ADCY5: variants seen among roughly 807,000 people sequenced by gnomAD.
ADCY5 encodes adenylate cyclase type 5.
ADCY5 carries 30 observed loss-of-function variants against 119.7 expected under a neutral mutation model. The observed-to-expected ratio is 0.25, with a 90% CI of 0.19 to 0.34. The LOEUF (loss-of-function observed/expected upper bound fraction) is 0.34, where lower values mean the gene tolerates loss of function less well. ADCY5 is among the 10% of genes least tolerant of loss of function. ADCY5 has a pLI of 1.00. For missense variants in ADCY5, 1,324 were observed against 1,775.2 expected (o/e 0.75, Z 4.57); for synonymous variants, 753 against 762.2 (o/e 0.99, Z 0.20).
At chr3:123,315,788 T>C (rs1940887173) in intron 11 of ADCY5, among the ~76,000 whole-genome samples, 1 of 152,194 alleles carries the variant, frequency 6.6e-6, no homozygotes, top group Non-Finnish European at 1.5e-5. Context: ...TTCTGCTGTG[T>C]TGGCCAGGCT....
chr3:123,438,989 C>T (rs990009260), intron 1 of ADCY5, among the ~76,000 whole-genome samples: 15 of 151,714 alleles, frequency 9.9e-5, no homozygotes, highest in Non-Finnish European at 2.1e-4. Flanking sequence ...TGGACTCAAG[C>T]GATCCTCCCA....
At position 123,336,443 on chromosome 3, in the gene ADCY5, CT is replaced by C. The variant is rs2108431955; in HGVS notation, c.1407-3769del. 1.3e-5 allele frequency among the ~76,000 whole-genome samples: 2 copies of C among 152,376 alleles called. 1 individual carries two copies. Among genetic ancestry groups the C allele is most frequent in the East Asian group, 3.9e-4 (2 of 5,192 alleles). On this transcript the variant is annotated intron_variant, in intron 3 of 20. Transcript: ENST00000462833. ...CAACACCAGTACTTCAAACACAAAG[CT>C]GGCAGGCAGCACGACCAGTGGCTGG... is the stretch of plus-strand genomic sequence containing the variant.
At position 123,305,293 on chromosome 3, in the gene ADCY5, G is replaced by C. The variant is rs144283314; in HGVS notation, c.2443-1110C>G. Among the ~76,000 whole-genome samples, 45 of 152,290 alleles carry C rather than the reference G, an allele frequency of 3.0e-4. No homozygotes were observed. In the East Asian group the frequency reaches 6.9e-3, roughly 24 times the overall value. On this transcript the variant is annotated intron_variant, in intron 12 of 20. Transcript: ENST00000462833. ...CTTGCTTAAACTGCCAGACCACAAG[G>C]CTTCTCCATCCCGATACTGACAGCA...
chr3:123,336,449 GGCAGCACGACCA>G (rs1290132914), intron 3 of ADCY5, among the ~76,000 whole-genome samples: 1 of 152,248 alleles, frequency 6.6e-6, no homozygotes, highest in Non-Finnish European at 1.5e-5. Flanking sequence ...AAAGCTGGCA[GGCAGCACGACCA>G]GTGGCTGGTC....
At chr3:123,341,076 G>C (rs1942261313) in intron 3 of ADCY5, among the ~76,000 whole-genome samples, 2 of 152,016 alleles carry the variant, frequency 1.3e-5, no homozygotes, top group South Asian at 4.1e-4. Flanking sequence ...AGTGAGCCAA[G>C]ATCATGCCAC....
chr3:123,368,019 G>T lies in ADCY5; in HGVS notation c.1135-15438C>A, dbSNP rs1394946791. On this transcript the variant is annotated intron_variant, in intron 1 of 20. Transcript: ENST00000462833. Reference sequence around the variant, plus strand: ...GATGGAGGGGACCATGGGCACCTCAGCAGGGATCCAGGGGCCCCAGAGATT... The same window carrying T: ...GATGGAGGGGACCATGGGCACCTCATCAGGGATCCAGGGGCCCCAGAGATT... The T allele has an allele frequency of 4.7e-6, 7 of 1,490,814 alleles. No homozygotes were observed. In the African/African-American group the frequency reaches 8.5e-5, roughly 18 times the overall value. 92.3% of individuals were successfully genotyped at this position (1,490,814 alleles called of 1,614,324 possible).
chr3:123,391,938 G>A (rs1450532542), intron 1 of ADCY5, among the ~76,000 whole-genome samples: 1 of 152,132 alleles, frequency 6.6e-6, no homozygotes, highest in Non-Finnish European at 1.5e-5. Flanking sequence ...CCGTCCCAGG[G>A]GTACCCACAG....
In ADCY5 at chr3:123,304,023, C is replaced by G. The variant is rs201381084; in HGVS notation, c.2559+44G>C. On this transcript the variant is annotated intron_variant, in intron 13 of 20. Coordinates refer to ENST00000462833, the MANE Select transcript of ADCY5 (RefSeq NM_183357.3). ...GGTACATGGCTCCACTGGGTTTGATCCAATGGGGCTGCGGAGGTGCTAGGA... is the reference window on the plus strand; with the variant it reads ...GGTACATGGCTCCACTGGGTTTGATGCAATGGGGCTGCGGAGGTGCTAGGA... 1.2e-4 allele frequency: 161 copies of G among 1,350,320 alleles called. 1 individual carries two copies. The African/African-American group carries it at 2.1e-3, about 17-fold the overall frequency. The allele number at this position is 1,350,320 out of a possible 1,614,324, so 83.6% of individuals were successfully genotyped here.
chr3:123,330,919 T>C lies in ADCY5; in HGVS notation c.1616A>G (p.Glu539Gly). 6.2e-7 allele frequency: 1 copy of C among 1,613,692 alleles called. No homozygotes were observed. Among genetic ancestry groups the C allele is most frequent in the Non-Finnish European group, 8.5e-7 (1 of 1,179,830 alleles). ...ARADHAHCCV[E>G]MGMDMIEAIS... ...GGCCTCGATCATGTCCATGCCCATC[T>C]CCACACAGCAGTGGGCGTGGTCAGC... The change falls in exon 5 of 21, where the codon GAG becomes GGG. Residue 539 changes from glutamate to glycine, a missense_variant. Physicochemically the swap from Glu to Gly is moderately conservative, Grantham distance 98. This residue lies in a region of ADCY5 where 123 missense variants were observed against 287.9 expected (regional missense o/e 0.43). Coordinates refer to ENST00000462833, the MANE Select transcript of ADCY5 (RefSeq NM_183357.3).
Position 123,296,185 on chromosome 3 carries a change from C to T in ADCY5, c.2962G>A (p.Val988Met), listed in dbSNP as rs1034007271. 6.2e-6 allele frequency: 10 copies of T among 1,613,856 alleles called. No individual in the cohort carries two copies. The highest frequency in any genetic ancestry group is 1.3e-5 in the African/African-American group (1 of 74,910). The change falls in exon 17 of 21, where the codon GTG (valine) becomes ATG (methionine). Residue 988 changes from valine (V) to methionine (M), a missense_variant. Physicochemically the swap from Val to Met is conservative, Grantham distance 21. This residue lies in a region of ADCY5 where 424 missense variants were observed against 546.8 expected (regional missense o/e 0.78). Coordinates refer to ENST00000462833, the MANE Select transcript of ADCY5 (RefSeq NM_183357.3). ...ACTGAGATGATGATGGGCGTCACCA[C>T]CTTCAATGCCACCTTGGTTGCATGC... is the stretch of plus-strand genomic sequence containing the variant. ...PEHATKVALK[V>M]VTPIIISVFV...
At chr3:123,316,736 T>C (rs1180670319) in intron 11 of ADCY5, among the ~76,000 whole-genome samples, 1 of 152,180 alleles carries the variant, frequency 6.6e-6, no homozygotes, top group Non-Finnish European at 1.5e-5. Flanking sequence ...GAAGTTTCAA[T>C]ATGGACTGGG....
chr3:123,314,567 G>C (rs746617582), intron 11 of ADCY5, among the ~76,000 whole-genome samples: 1 of 152,244 alleles, frequency 6.6e-6, no homozygotes, highest in African/African-American at 2.4e-5. Context: ...TTCTGGAACC[G>C]TAAGGGTATG....
intron 1 of ADCY5, among the ~76,000 whole-genome samples, chr3:123,440,118 C>T (rs1945698596): frequency 6.6e-6 from 1 of 152,220 alleles, no homozygotes; most frequent in African/African-American, 2.4e-5. Context: ...ACCCCACCAC[C>T]CATTCATTCA....
At chr3:123,407,489 C>T (rs1405019780) in intron 1 of ADCY5, among the ~76,000 whole-genome samples, 1 of 151,614 alleles carries the variant, frequency 6.6e-6, no homozygotes, top group Non-Finnish European at 1.5e-5. Context: ...AGTGGCTCAT[C>T]CCTATCATCT....
intron 1 of ADCY5, among the ~76,000 whole-genome samples, chr3:123,394,171 C>G (rs766593999): frequency 6.6e-6 from 1 of 152,114 alleles, no homozygotes; most frequent in Non-Finnish European, 1.5e-5. Flanking sequence ...GTTTTTCTAA[C>G]TTTAAAGAGA....
chr3:123,375,629 G>A (rs1227151241), intron 1 of ADCY5, among the ~76,000 whole-genome samples: 1 of 152,252 alleles, frequency 6.6e-6, no homozygotes, highest in African/African-American at 2.4e-5. Flanking sequence ...CCCCAAGAAT[G>A]CTCGAGGGGT....
At chr3:123,377,981 T>C (rs894302722) in intron 1 of ADCY5, among the ~76,000 whole-genome samples, 2 of 143,418 alleles carry the variant, frequency 1.4e-5, no homozygotes, top group African/African-American at 5.1e-5. Flanking sequence ...AATGGATACA[T>C]GAATGAATGA....
chr3:123,384,442 C>T (rs6790410), intron 1 of ADCY5, among the ~76,000 whole-genome samples: 72,105 of 152,094 alleles, frequency 0.47, 17,869 homozygotes, highest in East Asian at 0.68. Context: ...CAAGTTGGCT[C>T]CATGGCCCCA....
At chr3:123,347,657 G>A in intron 3 of ADCY5, 125 bp downstream of exon 3, 1 of 1,277,464 alleles carries the variant, frequency 7.8e-7, no homozygotes, top group Admixed American at 1.8e-5. Flanking sequence ...GCATGCTCTA[G>A]ATGACACACT....
Sources: allele counts gnomAD v4.1 joint callset (sites outside exome capture counted in the v4.1 genomes callset), GRCh38; gene constraint gnomAD v4.1.1; regional missense constraint gnomAD v4.1.1; transcripts MANE v1.5; gene names NCBI Gene and HGNC (gene_info 2026-07-23, HGNC 2026-07-21).